The following FAAH2 variants were observed in gnomAD, a reference collection of about 807,000 sequenced individuals.
The protein encoded by FAAH2 is fatty-acid amide hydrolase 2.
FAAH2 carries 60 observed loss-of-function variants against 36.9 expected under a neutral mutation model. That is an observed-to-expected ratio of 1.63 (90% confidence interval 1.32 to 2.02). FAAH2 has a LOEUF of 2.02. Ranked by LOEUF, FAAH2 falls within the 30% of genes most tolerant of loss-of-function variation. FAAH2 has a pLI of 0.00. For missense variants in FAAH2, 689 were observed against 397.5 expected (o/e 1.73, Z -6.23); for synonymous variants, 214 against 143.8 (o/e 1.49, Z -3.49).
intron 4 of FAAH2, among the ~76,000 whole-genome samples, chrX:57,334,916 C>T (rs374043861): frequency 9.0e-6 from 1 of 111,294 alleles, no homozygotes; most frequent in Admixed American, 9.6e-5. Context: ...ACTTAACACC[C>T]CACTGAAAAT....
intron 5 of FAAH2, among the ~76,000 whole-genome samples, chrX:57,367,289 T>C (rs1270596638): frequency 3.6e-5 from 4 of 112,191 alleles, no homozygotes; most frequent in Non-Finnish European, 7.5e-5. Context: ...TAAGATATAA[T>C]TGGCCTTTTT....
chrX:57,386,442 T>C (rs1171287421), intron 7 of FAAH2, among the ~76,000 whole-genome samples: 1 of 111,646 alleles, frequency 9.0e-6, no homozygotes, highest in African/African-American at 3.3e-5. Flanking sequence ...AGCAAATTGG[T>C]ACTTTCCTGG....
chrX:57,190,113 T>A, the FAAH2 span, among the ~76,000 whole-genome samples: 1 of 110,289 alleles, frequency 9.1e-6, no homozygotes, highest in Admixed American at 9.7e-5. Flanking sequence ...AGTGAAGAGG[T>A]ATCTAGAGAG....
At chrX:57,183,061 G>A in the FAAH2 span, among the ~76,000 whole-genome samples, 1 of 110,821 alleles carries the variant, frequency 9.0e-6, no homozygotes, top group Non-Finnish European at 1.9e-5. Flanking sequence ...GCCTACCTGA[G>A]GGCAGAAGGT....
chrX:57,172,578 C>T, the FAAH2 span, among the ~76,000 whole-genome samples: 2 of 112,341 alleles, frequency 1.8e-5, no homozygotes, highest in African/African-American at 6.5e-5. Flanking sequence ...TTCTGTAACC[C>T]GGGGTTCTTG....
the FAAH2 span, among the ~76,000 whole-genome samples, chrX:57,273,577 C>T: frequency 1.9e-3 from 212 of 111,941 alleles, 1 homozygote; most frequent in African/African-American, 6.5e-3. Context: ...GACCAGAGTG[C>T]AATCAAATTA....
Position 57,378,676 on chromosome X carries a change from TC to T in FAAH2, c.771del (p.Leu258TrpfsTer26). The T allele has an allele frequency of 8.3e-7, 1 of 1,211,435 alleles. No individual in the cohort carries two copies. The highest frequency in any genetic ancestry group is 1.1e-6 in the Non-Finnish European group (1 of 895,286). ...GTGTGGTTCCCAACAAAGGTCAGTTTCCCTTGGCTGTGGGAGCCCAGGAGTT... is the reference window on the plus strand; with the variant it reads ...GTGTGGTTCCCAACAAAGGTCAGTTTCCTTGGCTGTGGGAGCCCAGGAGTT... ...PGVVPNKGQF[P>X]LAVGAQELFL... On this transcript the variant is annotated frameshift_variant, in exon 6 of 11. Transcript: ENST00000374900. LOFTEE classifies it high-confidence loss of function.
intron 8 of FAAH2, among the ~76,000 whole-genome samples, chrX:57,435,269 GACAA>G (rs1023158209): frequency 7.2e-5 from 8 of 111,468 alleles, no homozygotes; most frequent in Non-Finnish European, 1.1e-4. Context: ...AAACCATAAA[GACAA>G]ACAGAGAAAA....
At chrX:57,310,826 C>A (rs2052671964) in intron 3 of FAAH2, 97 bp downstream of exon 3, 2 of 877,257 alleles carry the variant, frequency 2.3e-6, no homozygotes, top group Non-Finnish European at 3.1e-6. Flanking sequence ...AAGTGAAGGA[C>A]AAACTCATGC....
chrX:57,139,731 A>G, the FAAH2 span, among the ~76,000 whole-genome samples: 2 of 111,707 alleles, frequency 1.8e-5, no homozygotes, highest in Non-Finnish European at 3.8e-5. Context: ...TGGGATTACA[A>G]GTGTGAGCCA....
chrX:57,320,041 T>C (rs1194276820), intron 3 of FAAH2, among the ~76,000 whole-genome samples: 3 of 111,907 alleles, frequency 2.7e-5, no homozygotes, highest in Non-Finnish European at 5.6e-5. Context: ...GACTTAAACT[T>C]AAGACTTAAA....
the FAAH2 span, among the ~76,000 whole-genome samples, chrX:57,188,579 A>G: frequency 1.8e-5 from 2 of 109,095 alleles, no homozygotes; most frequent in African/African-American, 6.7e-5. Flanking sequence ...AATCTTAGTT[A>G]TTTCTCGTCT....
chrX:57,259,601 AAAT>A, the FAAH2 span, among the ~76,000 whole-genome samples: 1 of 112,161 alleles, frequency 8.9e-6, no homozygotes, highest in Non-Finnish European at 1.9e-5. Flanking sequence ...AACATAAAGT[AAAT>A]AGGTGATTTT....
At chrX:57,163,149 G>C in the FAAH2 span, among the ~76,000 whole-genome samples, 12 of 112,040 alleles carry the variant, frequency 1.1e-4, no homozygotes, top group African/African-American at 3.9e-4. Flanking sequence ...CCCTGCTGGG[G>C]GGTGACTCCC....
the FAAH2 span, among the ~76,000 whole-genome samples, chrX:57,199,904 T>C: frequency 8.9e-6 from 1 of 112,079 alleles, no homozygotes; most frequent in Non-Finnish European, 1.9e-5. Flanking sequence ...TAAATGTATG[T>C]ACTTCCTCTC....
At chrX:57,270,152 G>T in the FAAH2 span, among the ~76,000 whole-genome samples, 1 of 111,100 alleles carries the variant, frequency 9.0e-6, no homozygotes, top group Non-Finnish European at 1.9e-5. Context: ...ATACACCCTC[G>T]CAAGACTGAG....
chrX:57,248,684 C>T, the FAAH2 span, among the ~76,000 whole-genome samples: 219 of 85,287 alleles, frequency 2.6e-3, no homozygotes, highest in Admixed American at 0.011. Flanking sequence ...ACCCGGGAGG[C>T]GGAGTTTATG....
At chrX:57,339,968 A>G (rs913091191) in intron 4 of FAAH2, among the ~76,000 whole-genome samples, 2 of 111,559 alleles carry the variant, frequency 1.8e-5, no homozygotes, top group African/African-American at 6.5e-5. Flanking sequence ...GGAGTTTATT[A>G]AAGAGTATTG....
In FAAH2 at chrX:57,310,652, A is replaced by G. The variant is rs2052667479; in HGVS notation, c.335A>G (p.Glu112Gly). ...GATCAAAAGCTTGCAGAGAAGCAGG[A>G]AGATGAAGCCACCCTGGAAAATAAA... ...AVDQKLAEKQEDEATLENKWP... is the reference protein window; with the variant it reads ...AVDQKLAEKQGDEATLENKWP... The change falls in exon 3 of 11, where the codon GAA becomes GGA. Residue 112 changes from glutamate to glycine, a missense_variant. Coordinates refer to ENST00000374900, the MANE Select transcript of FAAH2 (RefSeq NM_174912.4). 1.7e-6 allele frequency: 2 copies of G among 1,207,900 alleles called. No individual in the cohort carries two copies.
Sources: gnomAD v4.1 joint callset for allele counts (sites outside exome capture counted in the v4.1 genomes callset) on GRCh38, gnomAD v4.1.1 for gene constraint, MANE v1.5 for transcripts, NCBI Gene and HGNC (gene_info 2026-07-23, HGNC 2026-07-21) for gene names.